Variants in SKI observed in about 807,000 individuals in gnomAD.
SKI encodes SKI proto-oncogene, also known as ski oncogene.
In SKI, 23 loss-of-function variants were observed where a neutral mutation model predicts 59.3. The observed-to-expected ratio is 0.39, with a 90% confidence interval of 0.28 to 0.55. The LOEUF (loss-of-function observed/expected upper bound fraction) is 0.55, where lower values mean the gene tolerates loss of function less well. Ranked by LOEUF, SKI falls within the 20% of genes least tolerant of loss-of-function variation. The pLI is 0.67. For synonymous variants in SKI, 673 were observed against 488.6 expected (o/e 1.38, Z -4.98); for missense variants, 1,017 against 1,038.9 (o/e 0.98, Z 0.29).
chr1:2,238,055 G>A (rs999343104), intron 1 of SKI, among the ~76,000 whole-genome samples: 1 of 152,212 alleles, frequency 6.6e-6, no homozygotes, highest in African/African-American at 2.4e-5. Context: ...GGCAGCCCCA[G>A]GTCCCCGCCT....
Position 2,309,479 on chromosome 1 carries a change from T to C in SKI, c.*2714T>C, listed in dbSNP as rs866043095. 1 of 152,178 alleles carries C rather than the reference T, an allele frequency of 6.6e-6. No individual in the cohort carries two copies. The allele number at this position is 152,178 out of a possible 1,614,324, so 9.4% of individuals were successfully genotyped here. On this transcript the variant is annotated 3_prime_UTR_variant, in exon 7 of 7. Transcript: ENST00000378536. ...TAAATACTTTTTCCTTTTTCACCGT[T>C]GTATTATACATGTATATGCTGGGTC...
chr1:2,294,456 C>G (rs762946226), intron 1 of SKI, among the ~76,000 whole-genome samples: 2 of 152,224 alleles, frequency 1.3e-5, no homozygotes, highest in Non-Finnish European at 2.9e-5. Context: ...GATGTGGGGA[C>G]CAGGGCAGGC....
Position 2,308,420 on chromosome 1 carries a change from T to C in SKI, c.*1655T>C, listed in dbSNP as rs1453694423. Reference sequence around the variant, plus strand: ...AGTGCAATGCAAAAGGGACATCATGTATATGCAGCGTTTGTTTGGAATTTT... The same window carrying C: ...AGTGCAATGCAAAAGGGACATCATGCATATGCAGCGTTTGTTTGGAATTTT... On this transcript the variant is annotated 3_prime_UTR_variant, in exon 7 of 7. Coordinates refer to ENST00000378536, the MANE Select transcript of SKI (RefSeq NM_003036.4). 1 of 152,204 alleles carries C rather than the reference T, an allele frequency of 6.6e-6. No individual in the cohort carries two copies. Among genetic ancestry groups the C allele is most frequent in the Non-Finnish European group, 1.5e-5 (1 of 68,052 alleles). 9.4% of individuals were successfully genotyped at this position (152,204 alleles called of 1,614,324 possible). A position where few individuals can be genotyped will look rare whatever the true frequency, so the allele number is the denominator to read the frequency against.
intron 1 of SKI, among the ~76,000 whole-genome samples, chr1:2,272,962 C>G (rs1225798079): frequency 5.3e-5 from 8 of 152,178 alleles, no homozygotes; most frequent in African/African-American, 1.9e-4. Flanking sequence ...AGAAACTGTC[C>G]CAGCAGTAGT....
chr1:2,298,888 A>T (rs1396931382), intron 1 of SKI, among the ~76,000 whole-genome samples: 2 of 152,116 alleles, frequency 1.3e-5, no homozygotes, highest in African/African-American at 4.8e-5. Context: ...GTGCTTGCCC[A>T]CTACTCACTC....
At position 2,247,153 on chromosome 1, in the gene SKI, A is replaced by T. The variant is rs570560440; in HGVS notation, c.969+17418A>T. On this transcript the variant is annotated intron_variant, in intron 1 of 6. Transcript: ENST00000378536. ...AGAATCACTTGAACCTGGGAGTCGG[A>T]GTTTGCAGTGAGCCGAGATTGTGCC... Among the ~76,000 whole-genome samples, 17 of 152,314 alleles carry T rather than the reference A, an allele frequency of 1.1e-4. No individual in the cohort carries two copies. In the South Asian group the frequency reaches 3.5e-3, roughly 32 times the overall value.
intron 1 of SKI, among the ~76,000 whole-genome samples, chr1:2,245,746 G>A (rs907055983): frequency 4.7e-5 from 7 of 147,760 alleles, no homozygotes; most frequent in Non-Finnish European, 5.9e-5. Context: ...AAAGTGCTGG[G>A]ATTACAAGCG....
In SKI at chr1:2,303,411, G is replaced by A. The variant is rs115186522; in HGVS notation, c.1211+11G>A. 2,760 of 1,595,882 alleles carry A rather than the reference G, an allele frequency of 1.7e-3. 44 individuals carry two copies. In the African/African-American group the frequency reaches 0.031, roughly 18 times the overall value. ...CCTCATCCGAGACAGGTGAGTGGGCGCCATTCACAGGTGTTTCTGATCACG... is the reference window on the plus strand; with the variant it reads ...CCTCATCCGAGACAGGTGAGTGGGCACCATTCACAGGTGTTTCTGATCACG... On this transcript the variant is annotated intron_variant, in intron 3 of 6. Coordinates refer to ENST00000378536, the MANE Select transcript of SKI (RefSeq NM_003036.4). The surrounding 1 kb of genome is among the most constrained non-coding windows in gnomAD (Gnocchi z 5.6).
At chr1:2,274,531 A>G (rs995733569) in intron 1 of SKI, among the ~76,000 whole-genome samples, 33 of 152,182 alleles carry the variant, frequency 2.2e-4, no homozygotes, top group Non-Finnish European at 4.1e-4. Flanking sequence ...GTGGGTGGTC[A>G]GTCCTCCCCA....
At chr1:2,283,982 G>T (rs867509544) in intron 1 of SKI, among the ~76,000 whole-genome samples, 1 of 152,174 alleles carries the variant, frequency 6.6e-6, no homozygotes, top group African/African-American at 2.4e-5. Context: ...CTGTCTGCCC[G>T]CAGCTAGTGC....
chr1:2,250,992 G>A (rs1438878577), intron 1 of SKI, among the ~76,000 whole-genome samples: 1 of 152,226 alleles, frequency 6.6e-6, no homozygotes, highest in Non-Finnish European at 1.5e-5. Context: ...GTAATCCGCC[G>A]AGGGGAACTT....
At chr1:2,230,214 GC>G (rs1429146406) in intron 1 of SKI, among the ~76,000 whole-genome samples, 3 of 152,238 alleles carry the variant, frequency 2.0e-5, no homozygotes, top group South Asian at 2.1e-4. Context: ...CTGCCTTTGG[GC>G]CCCAGGAGAC....
At chr1:2,304,703 C>G in intron 5 of SKI, 118 bp downstream of exon 5, 1 of 1,427,226 alleles carries the variant, frequency 7.0e-7, no homozygotes, top group African/African-American at 1.4e-5. Flanking sequence ...GCGCTCCTCT[C>G]TGCCTCCACC....
chr1:2,283,348 C>CA (rs1639955738), intron 1 of SKI, among the ~76,000 whole-genome samples: 1 of 145,310 alleles, frequency 6.9e-6, no homozygotes, highest in South Asian at 2.2e-4. Flanking sequence ...CTCAGAGCCT[C>CA]AGGGGGGGGA....
At chr1:2,256,261 G>T (rs1254300205) in intron 1 of SKI, among the ~76,000 whole-genome samples, 1 of 152,018 alleles carries the variant, frequency 6.6e-6, no homozygotes, top group South Asian at 2.1e-4. Flanking sequence ...CTCATTTCCT[G>T]TCTGGAGCTC....
chr1:2,290,980 C>G (rs568306970), intron 1 of SKI, among the ~76,000 whole-genome samples: 1 of 152,316 alleles, frequency 6.6e-6, no homozygotes, highest in African/African-American at 2.4e-5. Context: ...CAATCTTTGG[C>G]GAGGGTGGCA....
chr1:2,239,913 C>T (rs201256784), intron 1 of SKI, among the ~76,000 whole-genome samples: 8 of 152,242 alleles, frequency 5.3e-5, no homozygotes, highest in East Asian at 3.8e-4. Context: ...GCGTCCTTTG[C>T]GGGTCCCCGT....
rs759977925 is a variant in SKI at position 2,307,516 on chromosome 1, A to T, written c.*751A>T. On this transcript the variant is annotated 3_prime_UTR_variant, in exon 7 of 7. Transcript: ENST00000378536. ...CCCGTGATTCTGCCCACGCTCCTCC[A>T]CCACGAGGCACTGACCTGCGTCGGG... 1 of 152,310 alleles carries T rather than the reference A, an allele frequency of 6.6e-6. No individual in the cohort carries two copies. The highest frequency in any genetic ancestry group is 1.5e-5 in the Non-Finnish European group (1 of 68,024). The allele number at this position is 152,310 out of a possible 1,614,324, so 9.4% of individuals were successfully genotyped here.
rs982100700 is a variant in SKI at position 2,251,041 on chromosome 1, G to T, written c.969+21306G>T. ...TCCCCTGTCCCCATGGACTTTATCCGGGTGGGCCAGGATCCCTGGTGAGTC... is the reference window on the plus strand; with the variant it reads ...TCCCCTGTCCCCATGGACTTTATCCTGGTGGGCCAGGATCCCTGGTGAGTC... On this transcript the variant is annotated intron_variant, in intron 1 of 6. Coordinates refer to ENST00000378536, the MANE Select transcript of SKI (RefSeq NM_003036.4). Among the ~76,000 whole-genome samples the T allele has an allele frequency of 3.3e-5, 5 of 152,204 alleles. 1 individual carries two copies. The East Asian group carries it at 9.6e-4, about 29-fold the overall frequency.
Sources: allele counts gnomAD v4.1 joint callset (sites outside exome capture counted in the v4.1 genomes callset), GRCh38; gene constraint gnomAD v4.1.1; non-coding constraint Gnocchi (gnomAD v3.1); transcripts MANE v1.5; gene names NCBI Gene and HGNC (gene_info 2026-07-23, HGNC 2026-07-21).